SHPRH: variants seen among roughly 807,000 people sequenced by gnomAD.
SHPRH encodes E3 ubiquitin-protein ligase SHPRH.
In SHPRH, 106 loss-of-function variants were observed where a neutral mutation model predicts 202.5. That is an observed-to-expected ratio of 0.52 (90% CI 0.45 to 0.62). SHPRH has a LOEUF of 0.62. Among genes scored for constraint, SHPRH ranks in the 20% least tolerant of loss-of-function variants. SHPRH has a pLI of 0.00. For missense variants in SHPRH, 1,710 were observed against 2,020.0 expected (o/e 0.85, Z 2.94); for synonymous variants, 729 against 686.0 (o/e 1.06, Z -0.98).
chr6:145,871,954 C>G (rs1043900539), intron 2 of SHPRH, among the ~76,000 whole-genome samples: 11 of 152,148 alleles, frequency 7.2e-5, no homozygotes, highest in East Asian at 5.8e-4. Context: ...AGAAAGGATT[C>G]CCTATTTAAT....
chr6:145,950,145 A>C (rs1259059244), intron 4 of SHPRH, 119 bp downstream of exon 4: 3 of 701,452 alleles, frequency 4.3e-6, no homozygotes, highest in Non-Finnish European at 6.7e-6. Context: ...ATTTTATGGC[A>C]CCCATTCTAT....
chr6:145,939,149 C>T (rs1582771846), intron 11 of SHPRH, among the ~76,000 whole-genome samples: 1 of 152,060 alleles, frequency 6.6e-6, no homozygotes, highest in Non-Finnish European at 1.5e-5. Context: ...GGCTAACATT[C>T]CTAGTGTGAC....
intron 15 of SHPRH, 86 bp downstream of exon 15, chr6:145,927,103 A>C: frequency 8.3e-7 from 1 of 1,210,332 alleles, no homozygotes; most frequent in South Asian, 1.3e-5. Context: ...ACTGTTTGTT[A>C]CCATTTATCC....
chr6:145,886,794 G>C lies in SHPRH; in HGVS notation c.4956-7C>G, dbSNP rs775829523. Reference sequence around the variant, plus strand: ...TGCTGATGAGTTCGTGTGACTGCAAGGTTTCCCAAATGAGCACAGTCAGAA... The same window carrying C: ...TGCTGATGAGTTCGTGTGACTGCAACGTTTCCCAAATGAGCACAGTCAGAA... On this transcript the variant is annotated splice_polypyrimidine_tract_variant and splice_region_variant and intron_variant, in intron 29 of 29. Transcript: ENST00000275233. 4 of 1,611,528 alleles carry C rather than the reference G, an allele frequency of 2.5e-6. No individual in the cohort carries two copies. The Admixed American group carries it at 6.7e-5, about 27-fold the overall frequency.
chr6:145,898,834 C>CG (rs1782240387), intron 25 of SHPRH, among the ~76,000 whole-genome samples: 1 of 152,054 alleles, frequency 6.6e-6, no homozygotes. Flanking sequence ...CTTTTTGAGA[C>CG]AGGGTCTTGT....
At position 145,927,292 on chromosome 6, in the gene SHPRH, T is replaced by A. The variant is rs759176346; in HGVS notation, c.3113-15A>T. The A allele has an allele frequency of 6.2e-7, 1 of 1,607,606 alleles. No individual in the cohort carries two copies. On this transcript the variant is annotated splice_polypyrimidine_tract_variant and intron_variant, in intron 14 of 29. Transcript: ENST00000275233. ...GGCATACTCACCTAAAGAATTAAAA[T>A]GTATTTAAAGCATACGAGAGTCACA... is the stretch of plus-strand genomic sequence containing the variant.
chr6:145,955,356 T>C lies in SHPRH; in HGVS notation c.-32-2A>G, dbSNP rs1238720343. ...TTTCTTGGCTGGTAACTGTGAACTCTAGAGGACAAATGAAACAACAGGAGG... is the reference window on the plus strand; with the variant it reads ...TTTCTTGGCTGGTAACTGTGAACTCCAGAGGACAAATGAAACAACAGGAGG... On this transcript the variant is annotated splice_acceptor_variant, in intron 1 of 29. Transcript: ENST00000275233. LOFTEE classifies it low-confidence loss of function (5UTR_SPLICE). The C allele has an allele frequency of 1.2e-5, 18 of 1,563,458 alleles. No homozygotes were observed. Among genetic ancestry groups the C allele is most frequent in the Non-Finnish European group, 1.6e-5 (18 of 1,160,224 alleles).
At position 145,926,125 on chromosome 6, in the gene SHPRH, T is replaced by A. The variant is rs1399548585; in HGVS notation, c.3294+79A>T. ...ATTACATTTATTTGTATGTTGTATG[T>A]CCTAGGATATATCAACTATATGGAG... On this transcript the variant is annotated intron_variant, in intron 16 of 29. Coordinates refer to ENST00000275233, the MANE Select transcript of SHPRH (RefSeq NM_001042683.3). The A allele has an allele frequency of 2.5e-6, 3 of 1,222,766 alleles. No individual in the cohort carries two copies. The African/African-American group carries it at 4.6e-5, about 19-fold the overall frequency. 75.7% of individuals were successfully genotyped at this position (1,222,766 alleles called of 1,614,324 possible).
intron 14 of SHPRH, among the ~76,000 whole-genome samples, chr6:145,928,146 T>C (rs1785064649): frequency 6.6e-6 from 1 of 152,054 alleles, no homozygotes; most frequent in Non-Finnish European, 1.5e-5. Flanking sequence ...TGCCTGTGGC[T>C]GCTGTTGTAC....
chr6:145,936,978 CTTTTT>C (rs1206387630), intron 11 of SHPRH, among the ~76,000 whole-genome samples: 7 of 125,654 alleles, frequency 5.6e-5, no homozygotes, highest in Admixed American at 1.6e-4. Context: ...CATGCTTCAT[CTTTTT>C]TTTTTTTTTT....
intron 15 of SHPRH, 54 bp from the exon 16 acceptor site, chr6:145,926,350 G>A: frequency 1.4e-6 from 2 of 1,437,096 alleles, no homozygotes; most frequent in Non-Finnish European, 9.8e-7. Context: ...AGACTCTGAA[G>A]AGAACCTAAT....
intron 28 of SHPRH, among the ~76,000 whole-genome samples, chr6:145,892,090 C>T (rs1225187860): frequency 4.6e-5 from 7 of 152,098 alleles, no homozygotes; most frequent in African/African-American, 9.7e-5. Flanking sequence ...CTACTTCTTA[C>T]GGGGCAGTCT....
rs1018826266 is a variant in SHPRH at position 145,885,610 on chromosome 6, A to G, written c.*1081T>C. On this transcript the variant is annotated 3_prime_UTR_variant, in exon 30 of 30. Transcript: ENST00000275233. ...GTAACAAGCTACTCCTTATTCAGCA[A>G]TTTCAAAGTCCATTAATTCCTCACA... is the stretch of plus-strand genomic sequence containing the variant. 3.9e-5 allele frequency: 6 copies of G among 152,204 alleles called. No individual in the cohort carries two copies. The highest frequency in any genetic ancestry group is 5.9e-5 in the Non-Finnish European group (4 of 68,020). The allele number at this position is 152,204 out of a possible 1,614,324, so 9.4% of individuals were successfully genotyped here.
In SHPRH at chr6:145,947,633, C is replaced by T. The variant is rs770419732; in HGVS notation, c.1072G>A (p.Glu358Lys). 4 of 1,612,274 alleles carry T rather than the reference C, an allele frequency of 2.5e-6. No individual in the cohort carries two copies. The Admixed American group carries it at 6.7e-5, about 27-fold the overall frequency. ...AACTGCGGCCCAGAATTTGGGTACT[C>T]ACGAATGATGCTGAGGAAAAAAACA... Reference protein sequence around the residue: ...YNPYTGCIIREYPNSGPQLLG... With the variant: ...YNPYTGCIIRKYPNSGPQLLG... The change falls in exon 6 of 30, where the codon GAG (glutamate) becomes AAG (lysine). Residue 358 changes from glutamate (E) to lysine (K), a missense_variant. Physicochemically the swap from Glu to Lys is moderately conservative, Grantham distance 56 (BLOSUM62 1). Around this residue, in one of 8 missense-constraint regions of SHPRH, gnomAD observed 459 missense variants for 426.5 expected, o/e 1.08. Coordinates refer to ENST00000275233, the MANE Select transcript of SHPRH (RefSeq NM_001042683.3).
At chr6:145,898,698 T>C (rs926328702) in intron 25 of SHPRH, among the ~76,000 whole-genome samples, 4 of 152,124 alleles carry the variant, frequency 2.6e-5, no homozygotes, top group Non-Finnish European at 5.9e-5. Context: ...TGCTCTCTCT[T>C]TGTACCTGTC....
chr6:145,883,757 T>G (rs953983211), downstream of SHPRH: 1 of 152,226 alleles, frequency 6.6e-6, no homozygotes, highest in African/African-American at 2.4e-5. Flanking sequence ...AATGCATTTT[T>G]TTGTTTTTGC....
intron 28 of SHPRH, among the ~76,000 whole-genome samples, chr6:145,890,572 T>C (rs563975679): frequency 6.6e-6 from 1 of 152,234 alleles, no homozygotes; most frequent in African/African-American, 2.4e-5. Flanking sequence ...GCTGCTTCCT[T>C]CTCCTCTCCT....
chr6:145,913,118 T>G (rs1470823528), intron 24 of SHPRH, among the ~76,000 whole-genome samples: 1 of 152,154 alleles, frequency 6.6e-6, no homozygotes, highest in East Asian at 1.9e-4. Flanking sequence ...ATACCTTAAG[T>G]AAATCTATGT....
intron 14 of SHPRH, among the ~76,000 whole-genome samples, chr6:145,927,725 C>A (rs1785012060): frequency 6.6e-6 from 1 of 151,708 alleles, no homozygotes; most frequent in Admixed American, 6.6e-5. Flanking sequence ...CTCCAACCAA[C>A]CCACACATAG....
Sources: gnomAD v4.1 joint callset for allele counts (sites outside exome capture counted in the v4.1 genomes callset) on GRCh38, gnomAD v4.1.1 for gene constraint, gnomAD v4.1.1 regional missense constraint, MANE v1.5 for transcripts, NCBI Gene and HGNC (gene_info 2026-07-23, HGNC 2026-07-21) for gene names.